The following NISCH variants were observed in gnomAD, a reference collection of about 807,000 sequenced individuals.
NISCH encodes I-1 receptor candidate protein.
Under a neutral mutation model 138.4 loss-of-function variants are expected in NISCH, and 55 were observed. The observed-to-expected ratio is 0.40, with a 90% CI of 0.32 to 0.50. NISCH has a LOEUF of 0.50. Ranked by LOEUF, NISCH falls within the 20% of genes least tolerant of loss-of-function variation. The probability of loss-of-function intolerance (pLI) is 0.71; values close to 1 mark genes in which losing one functional copy is unlikely to be tolerated. For missense variants in NISCH, 1,643 were observed against 2,005.5 expected (o/e 0.82, Z 3.45); for synonymous variants, 860 against 861.5 (o/e 1.00, Z 0.03).
rs753814258 is a variant in NISCH at position 52,458,806 on chromosome 3, C to T, written c.322C>T (p.Pro108Ser). 1.2e-6 allele frequency: 2 copies of T among 1,610,920 alleles called. No homozygotes were observed. Among genetic ancestry groups the T allele is most frequent in the Non-Finnish European group, 1.7e-6 (2 of 1,179,476 alleles). Residue 108 changes from proline to serine, a missense_variant, in exon 3 of 21, where the codon CCC becomes TCC. Coordinates refer to ENST00000345716, the MANE Select transcript of NISCH (RefSeq NM_007184.4). The stretch of plus-strand genomic sequence containing the variant: ...CCTGGCTGCCTTCCCTGGCGTGACC[C>T]CCAGAGTACTGGCCCACTTCTTGCA... ...KLLAAFPGVT[P>S]RVLAHFLHFH...
chr3:52,491,706 C>T (rs761850428), intron 20 of NISCH, 166 bp from the exon 21 acceptor site: 21 of 1,071,728 alleles, frequency 2.0e-5, no homozygotes, highest in Non-Finnish European at 2.7e-5. Flanking sequence ...CTGGCAGACA[C>T]ATCTCCAGTG....
intron 13 of NISCH, chr3:52,480,967 G>A (rs948001788): frequency 8.1e-6 from 12 of 1,486,516 alleles, no homozygotes; most frequent in Admixed American, 2.3e-5. Context: ...GTGCCGTCCC[G>A]AGTGGAGCCG....
At position 52,487,342 on chromosome 3, in the gene NISCH, A is replaced by G. The variant is rs1313815612; in HGVS notation, c.1850A>G (p.Gln617Arg). 1 of 1,613,890 alleles carries G rather than the reference A, an allele frequency of 6.2e-7. No individual in the cohort carries two copies. Among genetic ancestry groups the G allele is most frequent in the Non-Finnish European group, 8.5e-7 (1 of 1,180,036 alleles). ...CTGATCCGGCAGGCCATCGAGCGGC[A>G]GCTGCCTGCCTGGATCGAGGCTGCC... ...STLIRQAIER[Q>R]LPAWIEAANQ... The change falls in exon 16 of 21, where the codon CAG (glutamine) becomes CGG (arginine). Residue 617 changes from glutamine (Q) to arginine (R), a missense_variant. Gln to Arg is a conservative substitution (Grantham distance 43). Transcript: ENST00000345716. The surrounding 1 kb of genome is among the most constrained non-coding windows in gnomAD (Gnocchi z 9.1).
At position 52,457,857 on chromosome 3, in the gene NISCH, G is replaced by T; in HGVS notation, c.108G>T (p.Gln36His). 1.2e-6 allele frequency: 2 copies of T among 1,611,858 alleles called. No individual in the cohort carries two copies. Among genetic ancestry groups the T allele is most frequent in the Non-Finnish European group, 1.7e-6 (2 of 1,178,202 alleles). Reference sequence around the variant, plus strand: ...TCCCCTTTTAGGTTTACATCATCCAGGTCACTGATGGCAGCCATGAGTGGA... The same window carrying T: ...TCCCCTTTTAGGTTTACATCATCCATGTCACTGATGGCAGCCATGAGTGGA... Reference protein sequence around the residue: ...LVDTYTVYIIQVTDGSHEWTV... With the variant: ...LVDTYTVYIIHVTDGSHEWTV... Residue 36 changes from glutamine (Q) to histidine (H), a missense_variant, in exon 2 of 21, where the codon CAG (glutamine) becomes CAT (histidine). Coordinates refer to ENST00000345716, the MANE Select transcript of NISCH (RefSeq NM_007184.4).
chr3:52,461,459 G>GCAACAT (rs1322248609), intron 3 of NISCH, among the ~76,000 whole-genome samples: 2 of 152,172 alleles, frequency 1.3e-5, no homozygotes, highest in African/African-American at 4.8e-5. Flanking sequence ...TATAGGGTTA[G>GCAACAT]CAACATACCC....
chr3:52,481,233 C>T, intron 13 of NISCH: 1 of 1,111,996 alleles, frequency 9.0e-7, no homozygotes, highest in Non-Finnish European at 1.1e-6. Context: ...GGAGAGTCGG[C>T]TGTGGTGCAG....
intron 13 of NISCH, 104 bp from the exon 14 acceptor site, chr3:52,484,409 C>T: frequency 8.8e-7 from 1 of 1,133,614 alleles, no homozygotes; most frequent in Non-Finnish European, 1.3e-6. Flanking sequence ...CTGGCTAACC[C>T]CCGCCATGCC....
At chr3:52,488,981 A>C (rs533384617) in intron 16 of NISCH, among the ~76,000 whole-genome samples, 19 of 152,274 alleles carry the variant, frequency 1.2e-4, no homozygotes, top group Non-Finnish European at 2.4e-4. Flanking sequence ...CTCTGGGCCC[A>C]AGCATGGCCT....
intron 3 of NISCH, among the ~76,000 whole-genome samples, chr3:52,465,424 C>A (rs1185395907): frequency 6.6e-6 from 1 of 152,210 alleles, no homozygotes; most frequent in Admixed American, 6.5e-5. Flanking sequence ...GCCACCACAC[C>A]CAGCCTGCAG....
intron 17 of NISCH, 25 bp from the exon 18 acceptor site, chr3:52,490,050 C>T (rs1454525363): frequency 6.2e-7 from 1 of 1,612,504 alleles, no homozygotes; most frequent in Non-Finnish European, 8.5e-7. Context: ...GGTGGTGGAG[C>T]TGACAGGAGG....
Position 52,487,918 on chromosome 3 carries a change from C to T in NISCH, c.2426C>T (p.Ser809Leu). ...CACGAGTTCCACGCGGACCTGCGCTCATGCTTTGCACCCCAGCACATGGCC... is the reference window on the plus strand; with the variant it reads ...CACGAGTTCCACGCGGACCTGCGCTTATGCTTTGCACCCCAGCACATGGCC... ...NLHEFHADLR[S>L]CFAPQHMAML... The change falls in exon 16 of 21, where the codon TCA becomes TTA. Residue 809 changes from serine (S) to leucine (L), a missense_variant. Ser to Leu is a moderately radical substitution (Grantham distance 145). Transcript: ENST00000345716. This position sits in a 1 kb window ranked among gnomAD's most constrained non-coding sequence, Gnocchi z 9.1. 1.9e-6 allele frequency: 3 copies of T among 1,611,888 alleles called. No individual in the cohort carries two copies. The highest frequency in any genetic ancestry group is 2.5e-6 in the Non-Finnish European group (3 of 1,179,964).
intron 4 of NISCH, 130 bp downstream of exon 4, chr3:52,471,037 G>A (rs1706931560): frequency 3.5e-6 from 3 of 865,958 alleles, no homozygotes; most frequent in Non-Finnish European, 5.8e-6. Context: ...CAGGTCTGAG[G>A]AGCTGTGGTC....
chr3:52,487,166 A>G lies in NISCH; in HGVS notation c.1704-30A>G, dbSNP rs2153231712. ...GGAGGTGGGAGGGGCCCCTCCCAGC[A>G]TGCCACTGACCTGGCCTCTCCCTGC... On this transcript the variant is annotated intron_variant, in intron 15 of 20. Transcript: ENST00000345716. The surrounding 1 kb of genome is among the most constrained non-coding windows in gnomAD (Gnocchi z 9.1). 3.2e-6 allele frequency: 5 copies of G among 1,586,288 alleles called. No homozygotes were observed. The highest frequency in any genetic ancestry group is 1.7e-4 in the Middle Eastern group (1 of 5,940).
Position 52,488,382 on chromosome 3 carries a change from G to C in NISCH, c.2890G>C (p.Gly964Arg). 6.2e-7 allele frequency: 1 copy of C among 1,613,802 alleles called. No homozygotes were observed. Among genetic ancestry groups the C allele is most frequent in the Non-Finnish European group, 8.5e-7 (1 of 1,179,996 alleles). ...DPTRSCTQPR[G>R]AFADGHVLEL... ...CACACGCAGCTGTACCCAGCCTCGG[G>C]GCGCCTTTGCTGATGGCCACGTGCT... The change falls in exon 16 of 21, where the codon GGC (glycine) becomes CGC (arginine). Residue 964 changes from glycine to arginine, a missense_variant. Coordinates refer to ENST00000345716, the MANE Select transcript of NISCH (RefSeq NM_007184.4).
Position 52,492,325 on chromosome 3 carries a change from A to C in NISCH, c.4358A>C (p.Glu1453Ala). The change falls in exon 21 of 21, where the codon GAG becomes GCG. Residue 1453 changes from glutamate (E) to alanine (A), a missense_variant. Physicochemically the swap from Glu to Ala is moderately radical, Grantham distance 107. Transcript: ENST00000345716. The part of the protein sequence containing the change: ...MGSVTLDHFG[E>A]VPGGPARASQ... Reference sequence around the variant, plus strand: ...AGTGTCACCCTGGACCACTTTGGGGAGGTGCCAGGTGGCCCGGCTAGAGCC... The same window carrying C: ...AGTGTCACCCTGGACCACTTTGGGGCGGTGCCAGGTGGCCCGGCTAGAGCC... 6.2e-7 allele frequency: 1 copy of C among 1,613,400 alleles called. No individual in the cohort carries two copies. The highest frequency in any genetic ancestry group is 8.5e-7 in the Non-Finnish European group (1 of 1,180,038).
intron 10 of NISCH, 44 bp downstream of exon 10, chr3:52,478,326 T>G: frequency 6.2e-7 from 1 of 1,608,200 alleles, no homozygotes; most frequent in Non-Finnish European, 8.5e-7. Context: ...TGTGCCTTGG[T>G]GTGTATCATG....
chr3:52,472,266 A>G (rs4312651), intron 5 of NISCH, 37 bp from the exon 6 acceptor site: 1,505,302 of 1,580,110 alleles, frequency 0.95, 717,297 homozygotes, highest in African/African-American at 0.99. Flanking sequence ...TGGGCATGCG[A>G]CACTGTTCCC....
chr3:52,489,872 C>T, intron 17 of NISCH, 194 bp downstream of exon 17: 3 of 1,185,186 alleles, frequency 2.5e-6, no homozygotes, highest in Non-Finnish European at 3.5e-6. Context: ...TGTGTCACCA[C>T]CTCCTGTGCC....
At chr3:52,472,025 G>T in intron 5 of NISCH, 48 bp downstream of exon 5, 1 of 1,525,912 alleles carries the variant, frequency 6.6e-7, no homozygotes, top group Non-Finnish European at 8.8e-7. Flanking sequence ...GTCGGTGGGG[G>T]TGCAACCTGC....
Sources: allele counts gnomAD v4.1 joint callset (sites outside exome capture counted in the v4.1 genomes callset), GRCh38; gene constraint gnomAD v4.1.1; non-coding constraint Gnocchi (gnomAD v3.1); transcripts MANE v1.5; gene names NCBI Gene and HGNC (gene_info 2026-07-23, HGNC 2026-07-21).